The following UACA variants were observed in gnomAD, a reference collection of about 807,000 sequenced individuals.
The protein encoded by UACA is uveal autoantigen with coiled-coil domains and ankyrin repeats, also known as nuclear membrane binding protein.
In UACA, 112 loss-of-function variants were observed where a neutral mutation model predicts 160.5. The observed-to-expected ratio is 0.70, with a 90% confidence interval of 0.60 to 0.82. The LOEUF (loss-of-function observed/expected upper bound fraction) is 0.82, where lower values mean the gene tolerates loss of function less well. Ranked by LOEUF, UACA falls within the 40% of genes least tolerant of loss-of-function variation. UACA has a pLI of 0.00. For missense variants in UACA, 1,574 were observed against 1,614.6 expected, an observed-to-expected ratio of 0.97 and a Z score of 0.43; for synonymous variants, 557 against 568.4, an observed-to-expected ratio of 0.98 and a Z score of 0.29.
chr15:70,683,021 G>A lies in UACA; in HGVS notation c.785-226C>T, dbSNP rs897183560. Among the ~76,000 whole-genome samples the A allele has an allele frequency of 2.0e-5, 3 of 152,158 alleles. No homozygotes were observed. The South Asian group carries it at 6.2e-4, about 32-fold the overall frequency. On this transcript the variant is annotated intron_variant, in intron 8 of 18. Transcript: ENST00000322954. ...AATTTTTATAACAATATTCAAGTAG[G>A]TAAGATTAAAGACTAAGGATTGGAG...
intron 8 of UACA, among the ~76,000 whole-genome samples, 181 bp downstream of exon 8, chr15:70,684,084 C>T (rs1350166507): frequency 2.0e-5 from 3 of 152,026 alleles, no homozygotes; most frequent in African/African-American, 7.2e-5. Context: ...ACACACACTG[C>T]CTCAAAGCAA....
chr15:70,662,549 G>A lies in UACA; in HGVS notation c.4113+2113C>T, dbSNP rs530771287. On this transcript the variant is annotated intron_variant, in intron 17 of 18. Transcript: ENST00000322954. ...ATGGAACCAAAAAAGAGCCTGCATC[G>A]CCAAGTCAATCCTAAGTCAAAAGAA... Among the ~76,000 whole-genome samples, 4 of 152,212 alleles carry A rather than the reference G, an allele frequency of 2.6e-5. No individual in the cohort carries two copies. The East Asian group carries it at 5.8e-4, about 22-fold the overall frequency.
intron 1 of UACA, among the ~76,000 whole-genome samples, chr15:70,717,532 T>C (rs1898856870): frequency 6.6e-6 from 1 of 152,224 alleles, no homozygotes; most frequent in East Asian, 1.9e-4. Context: ...TTTATAAAAA[T>C]GGGCAGTAGG....
chr15:70,717,001 C>G (rs1207457942), intron 1 of UACA, among the ~76,000 whole-genome samples: 1 of 152,146 alleles, frequency 6.6e-6, no homozygotes, highest in East Asian at 1.9e-4. Context: ...GCGGGCAGAT[C>G]ACCTGAGGTC....
At chr15:70,664,873 T>C in intron 16 of UACA, 59 bp from the exon 17 acceptor site, 1 of 1,438,848 alleles carries the variant, frequency 7.0e-7, no homozygotes. Context: ...AATGAACATC[T>C]TTGTACAGAA....
At position 70,687,800 on chromosome 15, in the gene UACA, TAGA is replaced by T; in HGVS notation, c.442_444del (p.Ser149del). 2 of 1,613,752 alleles carry T rather than the reference TAGA, an allele frequency of 1.2e-6. No individual in the cohort carries two copies. The highest frequency in any genetic ancestry group is 1.7e-6 in the Non-Finnish European group (2 of 1,179,764). On this transcript the variant is annotated inframe_deletion, in exon 6 of 19. Coordinates refer to ENST00000322954, the MANE Select transcript of UACA (RefSeq NM_018003.4). ...CCATGGTCACAAAGCAGCTGTATGC[TAGA>T]AGGACAATCTGCCATTGCTTTAAGG... is the stretch of plus-strand genomic sequence containing the variant.
At chr15:70,690,128 C>A (rs1482360968) in intron 5 of UACA, among the ~76,000 whole-genome samples, 2 of 152,124 alleles carry the variant, frequency 1.3e-5, no homozygotes, top group South Asian at 2.1e-4. Flanking sequence ...GAAACACACA[C>A]ACGCACACAC....
At chr15:70,777,705 C>T in the UACA span, among the ~76,000 whole-genome samples, 1 of 152,014 alleles carries the variant, frequency 6.6e-6, no homozygotes, top group South Asian at 2.1e-4. Flanking sequence ...GGACCACGGG[C>T]AAGTAGTGTT....
At chr15:70,694,359 G>A (rs1444469130) in intron 3 of UACA, among the ~76,000 whole-genome samples, 6 of 152,150 alleles carry the variant, frequency 3.9e-5, no homozygotes, top group African/African-American at 1.4e-4. Flanking sequence ...ATAAGTGTAA[G>A]CAGAAAACTG....
intron 8 of UACA, 34 bp downstream of exon 8, chr15:70,684,231 G>A (rs1435329646): frequency 6.4e-7 from 1 of 1,551,544 alleles, no homozygotes; most frequent in Non-Finnish European, 8.7e-7. Context: ...CTTTGTTAAT[G>A]TGGACTTTTC....
chr15:70,671,079 A>G lies in UACA; in HGVS notation c.1181T>C (p.Met394Thr), dbSNP rs761839722. The stretch of plus-strand genomic sequence containing the variant: ...ATACATCTGACCTTGTTTAAGAAGC[A>G]TATCTTCTTTTCCTAAATAAATGCA... ...GSHFSNRKED[M>T]LLKQGQMYMA... is the part of the protein sequence containing the mutation. Residue 394 changes from methionine (M) to threonine (T), a missense_variant, in exon 15 of 19, where the codon ATG (methionine) becomes ACG (threonine). Physicochemically the swap from Met to Thr is moderately conservative, Grantham distance 81 (BLOSUM62 -1). Transcript: ENST00000322954. 3.1e-6 allele frequency: 5 copies of G among 1,596,006 alleles called. No individual in the cohort carries two copies. Among genetic ancestry groups the G allele is most frequent in the African/African-American group, 1.3e-5 (1 of 74,388 alleles).
chr15:70,655,557 T>G lies in UACA; in HGVS notation c.*1499A>C, dbSNP rs1217215300. 4 of 152,146 alleles carry G rather than the reference T, an allele frequency of 2.6e-5. No homozygotes were observed. The highest frequency in any genetic ancestry group is 5.9e-5 in the Non-Finnish European group (4 of 68,026). The allele number at this position is 152,146 out of a possible 1,614,324, so 9.4% of individuals were successfully genotyped here. On this transcript the variant is annotated 3_prime_UTR_variant, in exon 19 of 19. Transcript: ENST00000322954. ...TTTTAATTTATATTTTATTTTTTAT[T>G]GAAATAGGTGGCCCAAAACTTGTGA...
intron 1 of UACA, among the ~76,000 whole-genome samples, chr15:70,756,590 C>T (rs1275831587): frequency 6.6e-6 from 1 of 152,102 alleles, no homozygotes; most frequent in Non-Finnish European, 1.5e-5. Context: ...GATAAAGACT[C>T]AGCTGGGCGA....
intron 13 of UACA, among the ~76,000 whole-genome samples, chr15:70,673,631 T>C (rs1897211217): frequency 6.6e-6 from 1 of 152,210 alleles, no homozygotes; most frequent in South Asian, 2.1e-4. Flanking sequence ...ATTATCTCTA[T>C]TACTCAAATG....
At chr15:70,662,997 C>A (rs1372156885) in intron 17 of UACA, among the ~76,000 whole-genome samples, 21 of 151,450 alleles carry the variant, frequency 1.4e-4, no homozygotes, top group East Asian at 3.9e-4. Context: ...GCAACAAAAG[C>A]CAAAATTGAC....
At chr15:70,709,180 AAAG>A (rs1467850625) in intron 1 of UACA, among the ~76,000 whole-genome samples, 1 of 152,248 alleles carries the variant, frequency 6.6e-6, no homozygotes, top group Non-Finnish European at 1.5e-5. Flanking sequence ...AGCCTTCTAA[AAAG>A]AAGCAGTAAA....
intron 1 of UACA, among the ~76,000 whole-genome samples, chr15:70,737,875 C>G (rs903126960): frequency 4.6e-5 from 7 of 152,172 alleles, no homozygotes; most frequent in African/African-American, 1.7e-4. Context: ...AGCCACAGTA[C>G]TTACACAGAC....
chr15:70,759,035 C>T (rs965555077), intron 1 of UACA, among the ~76,000 whole-genome samples: 1 of 152,140 alleles, frequency 6.6e-6, no homozygotes, highest in African/African-American at 2.4e-5. Flanking sequence ...ACCATCACGT[C>T]GGGCTAATCT....
intron 1 of UACA, among the ~76,000 whole-genome samples, chr15:70,747,671 T>C (rs1899752982): frequency 6.6e-6 from 1 of 152,196 alleles, no homozygotes; most frequent in African/African-American, 2.4e-5. Context: ...TTGAAACTTA[T>C]TGAGATAAAG....
Sources: gnomAD v4.1 joint callset for allele counts (sites outside exome capture counted in the v4.1 genomes callset) on GRCh38, gnomAD v4.1.1 for gene constraint, MANE v1.5 for transcripts, NCBI Gene and HGNC (gene_info 2026-07-23, HGNC 2026-07-21) for gene names.